The following STPG2 variants were observed in gnomAD, a reference collection of about 807,000 sequenced individuals.
The protein encoded by STPG2 is sperm-tail PG-rich repeat-containing protein 2.
A neutral mutation model predicts 54.2 loss-of-function variants in STPG2; 56 were observed. That is an observed-to-expected ratio of 1.03 (90% CI 0.83 to 1.29). STPG2 has a LOEUF of 1.29. STPG2 is among the 50% of genes most tolerant of loss of function. The pLI is 0.00. For missense variants in STPG2, 596 were observed against 544.9 expected, an observed-to-expected ratio of 1.09 and a Z score of -0.93; for synonymous variants, 200 against 181.8, an observed-to-expected ratio of 1.10 and a Z score of -0.81.
chr4:97,899,531 AG>A (rs1436895577), intron 8 of STPG2, among the ~76,000 whole-genome samples: 3 of 151,996 alleles, frequency 2.0e-5, no homozygotes, highest in Non-Finnish European at 4.4e-5. Flanking sequence ...CTAAGCAAAA[AG>A]AACAAAGCTG....
chr4:97,874,117 C>A (rs183817150), intron 8 of STPG2, among the ~76,000 whole-genome samples: 294 of 151,502 alleles, frequency 1.9e-3, no homozygotes, highest in African/African-American at 7.0e-3. Context: ...AGGCAGATAT[C>A]AAAAGTAAAT....
chr4:97,752,565 G>A (rs1203467209), intron 9 of STPG2, among the ~76,000 whole-genome samples: 1 of 151,760 alleles, frequency 6.6e-6, no homozygotes, highest in Non-Finnish European at 1.5e-5. Context: ...CAACTGCATA[G>A]AAGAAAATGT....
At chr4:97,682,546 C>A (rs1723067183) in intron 10 of STPG2, among the ~76,000 whole-genome samples, 1 of 151,744 alleles carries the variant, frequency 6.6e-6, no homozygotes, top group Non-Finnish European at 1.5e-5. Context: ...CCAAATATTT[C>A]TCTTTTACTT....
At chr4:97,658,429 A>G (rs1178144205) in intron 10 of STPG2, among the ~76,000 whole-genome samples, 2 of 152,244 alleles carry the variant, frequency 1.3e-5, no homozygotes. Flanking sequence ...ACTTTGGTAA[A>G]GAGACAGGCG....
intron 4 of STPG2, among the ~76,000 whole-genome samples, chr4:97,482,617 AG>A (rs570463348): frequency 1.7e-3 from 264 of 151,846 alleles, no homozygotes; most frequent in Non-Finnish European, 2.9e-3. Context: ...GAAATCTAAA[AG>A]TTTGGCAAAC....
chr4:97,718,754 CT>C (rs1252041066), intron 9 of STPG2, among the ~76,000 whole-genome samples: 2 of 151,872 alleles, frequency 1.3e-5, no homozygotes, highest in South Asian at 2.1e-4. Context: ...TTTCTTCACC[CT>C]TACAGTATTC....
intron 7 of STPG2, among the ~76,000 whole-genome samples, chr4:97,955,541 C>A (rs946569026): frequency 6.6e-6 from 1 of 151,858 alleles, no homozygotes; most frequent in Admixed American, 6.6e-5. Context: ...TAAGAGTGTT[C>A]GAGGCATGGT....
chr4:97,999,422 G>A (rs1042555676), intron 5 of STPG2, among the ~76,000 whole-genome samples: 1 of 152,164 alleles, frequency 6.6e-6, no homozygotes, highest in Non-Finnish European at 1.5e-5. Flanking sequence ...CCAGGGCAAG[G>A]CCAGGCGCAG....
chr4:97,719,867 A>G (rs1267060738), intron 9 of STPG2, among the ~76,000 whole-genome samples: 3 of 152,024 alleles, frequency 2.0e-5, no homozygotes, highest in Non-Finnish European at 4.4e-5. Context: ...ATTTCTATTT[A>G]TAATATGCAA....
At chr4:97,562,783 G>C (rs1304742557) in intron 10 of STPG2, among the ~76,000 whole-genome samples, 2 of 152,034 alleles carry the variant, frequency 1.3e-5, no homozygotes, top group Non-Finnish European at 2.9e-5. Flanking sequence ...TGCATCCCAG[G>C]GATGAAGCCC....
chr4:98,124,695 G>A (rs2110158766), intron 3 of STPG2, among the ~76,000 whole-genome samples: 1 of 152,232 alleles, frequency 6.6e-6, no homozygotes, highest in South Asian at 2.1e-4. Context: ...GGGGTTCTCT[G>A]GATTTCCTGA....
chr4:98,064,782 T>A (rs561929845), intron 5 of STPG2, among the ~76,000 whole-genome samples: 1 of 152,354 alleles, frequency 6.6e-6, no homozygotes, highest in South Asian at 2.1e-4. Flanking sequence ...TGTATCTGTC[T>A]TGTCAGTAGG....
In STPG2 at chr4:97,454,849, T is replaced by C. The variant is rs1379662642; in HGVS notation, c.462+257850A>G. Among the ~76,000 whole-genome samples, 4 of 152,122 alleles carry C rather than the reference T, an allele frequency of 2.6e-5. No homozygotes were observed. In the East Asian group the frequency reaches 5.8e-4, roughly 22 times the overall value. ...AGTCTTTCAAACTGTCTAGAAAGAA[T>C]TCCTGACAATGTTTTAGAAATTATT... On this transcript the variant is annotated intron_variant, in intron 4 of 4. Transcript: ENST00000522676.
At chr4:97,789,513 T>C (rs1374497080) in intron 9 of STPG2, among the ~76,000 whole-genome samples, 1 of 152,092 alleles carries the variant, frequency 6.6e-6, no homozygotes, top group Admixed American at 6.6e-5. Context: ...ACAATTGTTA[T>C]AGTCTTTTCT....
chr4:98,004,062 G>A (rs1392326767), intron 5 of STPG2, among the ~76,000 whole-genome samples: 1 of 151,884 alleles, frequency 6.6e-6, no homozygotes, highest in Non-Finnish European at 1.5e-5. Context: ...ACTTTCAAGT[G>A]TAAACTGAAT....
chr4:97,451,470 G>C (rs1023935534), intron 4 of STPG2, among the ~76,000 whole-genome samples: 2 of 152,058 alleles, frequency 1.3e-5, no homozygotes, highest in African/African-American at 4.8e-5. Flanking sequence ...AAGAAGTTTA[G>C]TTTCAAAAAT....
At chr4:98,104,054 T>C (rs1483310438) in intron 5 of STPG2, among the ~76,000 whole-genome samples, 1 of 152,220 alleles carries the variant, frequency 6.6e-6, no homozygotes, top group African/African-American at 2.4e-5. Flanking sequence ...CCACCTCTGC[T>C]AGTGACACAG....
At chr4:97,850,456 A>T (rs976521892) in intron 8 of STPG2, among the ~76,000 whole-genome samples, 2 of 150,488 alleles carry the variant, frequency 1.3e-5, no homozygotes, top group Non-Finnish European at 3.0e-5. Flanking sequence ...TAATTTTACC[A>T]TTTTTTTTTG....
At chr4:97,924,708 T>C (rs912241297) in intron 8 of STPG2, among the ~76,000 whole-genome samples, 19 of 152,336 alleles carry the variant, frequency 1.2e-4, no homozygotes, top group African/African-American at 4.6e-4. Flanking sequence ...GTTTTATTCG[T>C]CATAAATTTG....
Sources: gnomAD v4.1 joint callset for allele counts (sites outside exome capture counted in the v4.1 genomes callset) on GRCh38, gnomAD v4.1.1 for gene constraint, MANE v1.5 for transcripts, NCBI Gene and HGNC (gene_info 2026-07-23, HGNC 2026-07-21) for gene names.